Variants in SEPSECS observed in about 807,000 individuals in gnomAD.
The protein encoded by SEPSECS is Sep (O-phosphoserine) tRNA:Sec (selenocysteine) tRNA synthase.
Under a neutral mutation model 52.1 loss-of-function variants are expected in SEPSECS, and 42 were observed. The observed-to-expected ratio is 0.81, with a 90% confidence interval of 0.63 to 1.04. The LOEUF is 1.04. Ranked by LOEUF, SEPSECS falls within the 50% of genes least tolerant of loss-of-function variation. The probability of loss-of-function intolerance (pLI) is 0.00; values close to 1 mark genes in which losing one functional copy is unlikely to be tolerated. For missense variants in SEPSECS, 590 were observed against 610.6 expected (o/e 0.97, Z 0.36); for synonymous variants, 216 against 211.4 (o/e 1.02, Z -0.19).
chr4:25,138,621 C>T (rs530066643), intron 8 of SEPSECS, among the ~76,000 whole-genome samples: 19 of 152,006 alleles, frequency 1.2e-4, no homozygotes, highest in East Asian at 9.7e-4. Flanking sequence ...TGTTATATTT[C>T]GAAGTTTTGA....
intron 8 of SEPSECS, among the ~76,000 whole-genome samples, chr4:25,139,951 T>A (rs1254278101): frequency 6.6e-6 from 1 of 152,238 alleles, no homozygotes; most frequent in African/African-American, 2.4e-5. Flanking sequence ...CAAGCAGGCA[T>A]GGCTGGATAG....
chr4:25,153,285 G>C (rs575852401), intron 5 of SEPSECS, among the ~76,000 whole-genome samples: 2 of 151,778 alleles, frequency 1.3e-5, no homozygotes, highest in Non-Finnish European at 3.0e-5. Context: ...ACTTTCATAT[G>C]TGTGTGTTCT....
intron 3 of SEPSECS, 97 bp from the exon 4 acceptor site, chr4:25,156,292 T>C: frequency 2.6e-6 from 3 of 1,149,608 alleles, no homozygotes; most frequent in Non-Finnish European, 3.8e-6. Flanking sequence ...ATAGTAAGAG[T>C]CGTAGCCCTA....
At chr4:25,148,266 T>TG (rs1432509009) in intron 6 of SEPSECS, among the ~76,000 whole-genome samples, 2 of 141,664 alleles carry the variant, frequency 1.4e-5, no homozygotes, top group Admixed American at 7.9e-5. Flanking sequence ...GGCAGGAGAA[T>TG]GGCGTGAACC....
At chr4:25,147,649 A>G (rs1030906131) in intron 6 of SEPSECS, among the ~76,000 whole-genome samples, 8 of 152,150 alleles carry the variant, frequency 5.3e-5, no homozygotes, top group Non-Finnish European at 1.2e-4. Context: ...GTAAATATAA[A>G]CAGAAATATA....
At chr4:25,144,658 C>T (rs979110938) in intron 8 of SEPSECS, 116 bp downstream of exon 8, 30 of 758,496 alleles carry the variant, frequency 4.0e-5, no homozygotes, top group African/African-American at 3.5e-4. Flanking sequence ...TAAATACTAT[C>T]GGACCATACT....
chr4:25,146,803 T>C (rs925013076), intron 6 of SEPSECS, among the ~76,000 whole-genome samples: 2 of 152,168 alleles, frequency 1.3e-5, no homozygotes, highest in African/African-American at 4.8e-5. Context: ...AAAATACATC[T>C]GAATAAAAGC....
chr4:25,131,231 T>C (rs928061615), intron 8 of SEPSECS, among the ~76,000 whole-genome samples: 3 of 152,208 alleles, frequency 2.0e-5, no homozygotes, highest in African/African-American at 7.2e-5. Flanking sequence ...AAGATGTGCA[T>C]AATTCACTAA....
At chr4:25,128,763 T>C (rs1577602404) in intron 8 of SEPSECS, among the ~76,000 whole-genome samples, 1 of 151,938 alleles carries the variant, frequency 6.6e-6, no homozygotes, top group South Asian at 2.1e-4. Context: ...ATATAAACTC[T>C]AAGGATACAA....
At chr4:25,136,951 A>G (rs1728865224) in intron 8 of SEPSECS, among the ~76,000 whole-genome samples, 1 of 152,200 alleles carries the variant, frequency 6.6e-6, no homozygotes, top group Non-Finnish European at 1.5e-5. Flanking sequence ...CCTGACAAAA[A>G]CAAGCAACGG....
At chr4:25,159,548 G>A (rs1712916779) in intron 1 of SEPSECS, 1 of 422,716 alleles carries the variant, frequency 2.4e-6, no homozygotes, top group South Asian at 1.6e-5. Context: ...AAGAATGGCC[G>A]ATCACTTGAA....
At chr4:25,132,094 T>G (rs1302865412) in intron 8 of SEPSECS, among the ~76,000 whole-genome samples, 2 of 152,176 alleles carry the variant, frequency 1.3e-5, no homozygotes, top group Non-Finnish European at 2.9e-5. Flanking sequence ...CACACAGAGC[T>G]CCACTCTCTC....
intron 8 of SEPSECS, among the ~76,000 whole-genome samples, chr4:25,140,355 G>A (rs1357832548): frequency 6.6e-6 from 1 of 152,152 alleles, no homozygotes; most frequent in African/African-American, 2.4e-5. Flanking sequence ...CACTGTTTTT[G>A]TCTCCTTTAG....
chr4:25,131,725 T>C (rs1028911824), intron 8 of SEPSECS, among the ~76,000 whole-genome samples: 3 of 152,212 alleles, frequency 2.0e-5, no homozygotes, highest in African/African-American at 7.2e-5. Flanking sequence ...TTTTAAAACT[T>C]AGTTTGTCCC....
chr4:25,125,402 A>G, intron 10 of SEPSECS: 1 of 334,296 alleles, frequency 3.0e-6, no homozygotes, highest in Non-Finnish European at 5.5e-6. Flanking sequence ...AAGATCATCT[A>G]ACAAAGGAAA....
chr4:25,145,840 T>C (rs1711930123), intron 6 of SEPSECS, among the ~76,000 whole-genome samples: 2 of 152,176 alleles, frequency 1.3e-5, no homozygotes, highest in Non-Finnish European at 2.9e-5. Flanking sequence ...AGCACTCAGA[T>C]AAAAAACAAA....
At chr4:25,140,689 A>C (rs1729025413) in intron 8 of SEPSECS, among the ~76,000 whole-genome samples, 1 of 152,210 alleles carries the variant, frequency 6.6e-6, no homozygotes, top group African/African-American at 2.4e-5. Context: ...ATGTATAAGG[A>C]TGTATATGGT....
In SEPSECS at chr4:25,160,292, G is replaced by C; in HGVS notation, c.78C>G (p.Arg26=). Residue 26 remains arginine, a synonymous_variant, in exon 1 of 11, where the codon CGC becomes CGG. Transcript: ENST00000382103. The part of the protein sequence containing the change: ...AYVRQGCEAR[R]SHEHLIRLLL... ...GCAGCCGTATGAGGTGCTCATGCGAGCGGCGGGCCTCACAGCCCTGCCGCA... is the reference window on the plus strand; with the variant it reads ...GCAGCCGTATGAGGTGCTCATGCGACCGGCGGGCCTCACAGCCCTGCCGCA... 1 of 1,552,442 alleles carries C rather than the reference G, an allele frequency of 6.4e-7. No individual in the cohort carries two copies. The highest frequency in any genetic ancestry group is 1.7e-4 in the Middle Eastern group (1 of 5,990).
At chr4:25,152,152 T>C (rs1712345132) in intron 5 of SEPSECS, 90 bp from the exon 6 acceptor site, 2 of 783,814 alleles carry the variant, frequency 2.6e-6, no homozygotes, top group South Asian at 3.0e-5. Context: ...TTAATAGTTA[T>C]CCTTAATGTA....
Sources: allele counts gnomAD v4.1 joint callset (sites outside exome capture counted in the v4.1 genomes callset), GRCh38; gene constraint gnomAD v4.1.1; transcripts MANE v1.5; gene names NCBI Gene and HGNC (gene_info 2026-07-23, HGNC 2026-07-21).